NR3C2: variants seen among roughly 807,000 people sequenced by gnomAD.
NR3C2 encodes mineralocorticoid receptor.
NR3C2 carries 15 observed loss-of-function variants against 86.4 expected under a neutral mutation model. That is an observed-to-expected ratio of 0.17 (90% CI 0.12 to 0.27). NR3C2 has a LOEUF of 0.27. Ranked by LOEUF, NR3C2 falls within the 10% of genes least tolerant of loss-of-function variation. NR3C2 has a pLI of 1.00. For missense variants in NR3C2, 960 were observed against 1,195.6 expected, an observed-to-expected ratio of 0.80 and a Z score of 2.91; for synonymous variants, 458 against 450.5, an observed-to-expected ratio of 1.02 and a Z score of -0.21.
At chr4:148,366,619 T>C (rs1280043212) in intron 2 of NR3C2, among the ~76,000 whole-genome samples, 1 of 151,986 alleles carries the variant, frequency 6.6e-6, no homozygotes, top group Non-Finnish European at 1.5e-5. Flanking sequence ...TGAAACAACA[T>C]GTCTCTATTC....
At chr4:148,331,169 G>T (rs1240712226) in intron 2 of NR3C2, among the ~76,000 whole-genome samples, 1 of 147,222 alleles carries the variant, frequency 6.8e-6, no homozygotes, top group Non-Finnish European at 1.5e-5. Context: ...CATCCATAAG[G>T]TTACTTGACA....
chr4:148,318,542 T>G (rs1459892607), intron 2 of NR3C2, among the ~76,000 whole-genome samples: 3 of 151,426 alleles, frequency 2.0e-5, no homozygotes, highest in African/African-American at 4.9e-5. Context: ...CACCTGTTGT[T>G]TCCTGACTTT....
At chr4:148,430,857 G>A (rs1309631007) in intron 2 of NR3C2, among the ~76,000 whole-genome samples, 1 of 151,922 alleles carries the variant, frequency 6.6e-6, no homozygotes, top group African/African-American at 2.4e-5. Context: ...AGGGGCAATT[G>A]AAAAATAAAA....
At chr4:148,392,485 C>T (rs1747638017) in intron 2 of NR3C2, among the ~76,000 whole-genome samples, 1 of 152,176 alleles carries the variant, frequency 6.6e-6, no homozygotes, top group African/African-American at 2.4e-5. Flanking sequence ...AGGGCATTTG[C>T]ACTGCACTGT....
intron 2 of NR3C2, among the ~76,000 whole-genome samples, chr4:148,399,572 C>T (rs997493826): frequency 6.6e-6 from 1 of 151,696 alleles, no homozygotes; most frequent in Admixed American, 6.6e-5. Context: ...ATAATTTTAA[C>T]CTTAGTTTGG....
chr4:148,292,868 C>A (rs2149910343), intron 2 of NR3C2, among the ~76,000 whole-genome samples: 1 of 152,188 alleles, frequency 6.6e-6, no homozygotes, highest in South Asian at 2.1e-4. Flanking sequence ...AGATAACCTT[C>A]TAGAATGCAC....
At chr4:148,346,235 G>A (rs1240832283) in intron 2 of NR3C2, among the ~76,000 whole-genome samples, 1 of 152,120 alleles carries the variant, frequency 6.6e-6, no homozygotes, top group African/African-American at 2.4e-5. Context: ...CAGGAATTGT[G>A]AGCAACATTG....
intron 3 of NR3C2, among the ~76,000 whole-genome samples, chr4:148,244,360 C>A (rs567325359): frequency 6.6e-6 from 1 of 152,094 alleles, no homozygotes; most frequent in Non-Finnish European, 1.5e-5. Context: ...AATTGTTAAC[C>A]GAAGGCACTC....
intron 4 of NR3C2, among the ~76,000 whole-genome samples, chr4:148,166,994 A>C (rs898709368): frequency 6.6e-6 from 1 of 152,216 alleles, no homozygotes; most frequent in African/African-American, 2.4e-5. Flanking sequence ...TAAACAAAAC[A>C]GTTTTCGTTT....
rs142910638 is a variant in NR3C2, at chr4:148,251,238, C to T, written c.1897+8740G>A. Among the ~76,000 whole-genome samples, 928 of 152,200 alleles carry T rather than the reference C, an allele frequency of 6.1e-3. 6 individuals are homozygous for T. Among genetic ancestry groups the T allele is most frequent in the African/African-American group, 0.021 (884 of 41,544 alleles). On this transcript the variant is annotated intron_variant, in intron 3 of 8. Coordinates refer to ENST00000358102, the MANE Select transcript of NR3C2 (RefSeq NM_000901.5). Reference sequence around the variant, plus strand: ...CCTTCCAAAGTTCTGGGATTACAGGCGTGAGCCACCGCACCCAACACAGTC... The same window carrying T: ...CCTTCCAAAGTTCTGGGATTACAGGTGTGAGCCACCGCACCCAACACAGTC...
At chr4:148,108,613 A>G (rs928416588) in intron 8 of NR3C2, among the ~76,000 whole-genome samples, 1 of 152,136 alleles carries the variant, frequency 6.6e-6, no homozygotes, top group Non-Finnish European at 1.5e-5. Context: ...GCAGCTATTC[A>G]GCAATGGGAT....
chr4:148,432,674 C>T (rs1426238529), intron 2 of NR3C2, among the ~76,000 whole-genome samples: 7 of 152,050 alleles, frequency 4.6e-5, no homozygotes. Context: ...ATTCAACATT[C>T]CCTGAAATGA....
chr4:148,150,351 T>A (rs1734048127), intron 6 of NR3C2, among the ~76,000 whole-genome samples: 1 of 152,236 alleles, frequency 6.6e-6, no homozygotes, highest in Non-Finnish European at 1.5e-5. Context: ...TTACTTAACA[T>A]ATATTCCTAG....
chr4:148,211,292 G>A (rs906404519), intron 3 of NR3C2, among the ~76,000 whole-genome samples: 2 of 152,218 alleles, frequency 1.3e-5, no homozygotes, highest in African/African-American at 4.8e-5. Context: ...GTATGCATGT[G>A]TATAGATACC....
chr4:148,364,563 A>G (rs1746012554), intron 2 of NR3C2, among the ~76,000 whole-genome samples: 1 of 152,228 alleles, frequency 6.6e-6, no homozygotes, highest in Non-Finnish European at 1.5e-5. Context: ...ACAATCCTTA[A>G]CAATATGTGT....
intron 3 of NR3C2, among the ~76,000 whole-genome samples, chr4:148,251,626 T>C (rs1390025532): frequency 6.6e-6 from 1 of 152,166 alleles, no homozygotes; most frequent in East Asian, 1.9e-4. Flanking sequence ...CTAATTTTTA[T>C]CACACACAGG....
intron 8 of NR3C2, among the ~76,000 whole-genome samples, chr4:148,113,619 A>G (rs560634630): frequency 6.6e-6 from 1 of 152,336 alleles, no homozygotes; most frequent in Non-Finnish European, 1.5e-5. Context: ...TGCACCTGAC[A>G]GCAATAACTC....
chr4:148,366,479 CTCAGCA>C (rs1746145614), intron 2 of NR3C2, among the ~76,000 whole-genome samples: 1 of 6,166 alleles, frequency 1.6e-4, no homozygotes. Context: ...TTAAAAAGTA[CTCAGCA>C]CTTTTAAAAA....
At chr4:148,342,888 T>C (rs1188309145) in intron 2 of NR3C2, among the ~76,000 whole-genome samples, 1 of 152,048 alleles carries the variant, frequency 6.6e-6, no homozygotes. Flanking sequence ...TTACAGGGTA[T>C]GAGAAACTTC....
Sources: allele counts gnomAD v4.1 joint callset (sites outside exome capture counted in the v4.1 genomes callset), GRCh38; gene constraint gnomAD v4.1.1; transcripts MANE v1.5; gene names NCBI Gene and HGNC (gene_info 2026-07-23, HGNC 2026-07-21).